MYCBP2: variants seen among roughly 807,000 people sequenced by gnomAD.
MYCBP2 encodes the protein E3 ubiquitin-protein ligase MYCBP2.
MYCBP2 carries 120 observed loss-of-function variants against 525.3 expected under a neutral mutation model. That is an observed-to-expected ratio of 0.23 (90% CI 0.20 to 0.27). The LOEUF (loss-of-function observed/expected upper bound fraction) is 0.27, where lower values mean the gene tolerates loss of function less well. Ranked by LOEUF, MYCBP2 falls within the 10% of genes least tolerant of loss-of-function variation. The pLI, the probability that MYCBP2 is intolerant of heterozygous loss-of-function variation, is 1.00. For synonymous variants in MYCBP2, 1,894 were observed against 1,955.8 expected (o/e 0.97, Z 0.83); for missense variants, 4,149 against 5,657.1 (o/e 0.73, Z 8.55).
At chr13:77,172,676 T>C (rs965919948) in intron 37 of MYCBP2, among the ~76,000 whole-genome samples, 1 of 152,092 alleles carries the variant, frequency 6.6e-6, no homozygotes, top group Admixed American at 6.5e-5. Flanking sequence ...ATGAACTAGG[T>C]GTAAAGTATG....
chr13:77,144,282 C>A (rs1344186715), intron 49 of MYCBP2, 163 bp downstream of exon 49: 2 of 600,870 alleles, frequency 3.3e-6, no homozygotes, highest in Non-Finnish European at 5.9e-6. Flanking sequence ...AATGTTAATG[C>A]ACTAATTAAA....
rs1040336793 is a variant in MYCBP2 at position 77,316,682 on chromosome 13, T to C, written c.302+9792A>G. Among the ~76,000 whole-genome samples the C allele has an allele frequency of 6.6e-5, 10 of 152,248 alleles. 1 individual carries two copies. Among genetic ancestry groups the C allele is most frequent in the South Asian group, 2.1e-4 (1 of 4,822 alleles). ...GCCCCAGCCACTACAGACGGTAAAATTGATATCAACAACTCTTCTCTACTA... is the reference window on the plus strand; with the variant it reads ...GCCCCAGCCACTACAGACGGTAAAACTGATATCAACAACTCTTCTCTACTA... On this transcript the variant is annotated intron_variant, in intron 1 of 82. Coordinates refer to ENST00000544440, the MANE Select transcript of MYCBP2 (RefSeq NM_015057.5).
At chr13:77,185,033 A>C in intron 32 of MYCBP2, 70 bp downstream of exon 32, 3 of 1,367,910 alleles carry the variant, frequency 2.2e-6, no homozygotes, top group Non-Finnish European at 3.0e-6. Context: ...TGGCAACTGC[A>C]ATTTATTTTC....
intron 59 of MYCBP2, among the ~76,000 whole-genome samples, chr13:77,092,266 G>A (rs1594452949): frequency 6.6e-6 from 1 of 152,056 alleles, no homozygotes; most frequent in Admixed American, 6.6e-5. Context: ...AGTTATTCGT[G>A]ACTGAAATCT....
intron 3 of MYCBP2, among the ~76,000 whole-genome samples, chr13:77,282,385 G>C (rs995899956): frequency 9.9e-5 from 15 of 151,390 alleles, no homozygotes; most frequent in Non-Finnish European, 5.9e-5. Context: ...ACTTCAGCCT[G>C]GGCAAGCAGA....
chr13:77,078,703 T>C (rs2042769983), intron 66 of MYCBP2, 121 bp downstream of exon 66: 1 of 759,144 alleles, frequency 1.3e-6, no homozygotes, highest in Non-Finnish European at 2.3e-6. Context: ...TAGTGTTCTG[T>C]AAATAGATAA....
At chr13:77,170,102 T>G (rs553414512) in intron 38 of MYCBP2, among the ~76,000 whole-genome samples, 5 of 152,294 alleles carry the variant, frequency 3.3e-5, no homozygotes, top group African/African-American at 9.6e-5. Context: ...ATCAGTGACA[T>G]TAGGCAAATT....
chr13:77,055,069 A>C (rs561049424), intron 80 of MYCBP2, among the ~76,000 whole-genome samples: 1 of 152,200 alleles, frequency 6.6e-6, no homozygotes, highest in African/African-American at 2.4e-5. Context: ...ACCCAAGGTA[A>C]GGAAGTATTT....
At chr13:77,227,515 C>CACAT (rs1555421198) in intron 18 of MYCBP2, among the ~76,000 whole-genome samples, 1 of 126,116 alleles carries the variant, frequency 7.9e-6, no homozygotes, top group Non-Finnish European at 1.8e-5. Context: ...CACACACACA[C>CACAT]ACAAATACAT....
At chr13:77,294,104 C>CTATATATATATACATATATA (rs2077779847) in intron 2 of MYCBP2, among the ~76,000 whole-genome samples, 1 of 41,920 alleles carries the variant, frequency 2.4e-5, no homozygotes, top group African/African-American at 6.9e-5. Flanking sequence ...GATATAATGG[C>CTATATATATATACATATATA]TATATATATA....
At chr13:77,191,386 T>A (rs2061280415) in intron 28 of MYCBP2, among the ~76,000 whole-genome samples, 1 of 152,186 alleles carries the variant, frequency 6.6e-6, no homozygotes, top group African/African-American at 2.4e-5. Flanking sequence ...ATTTTCCTTG[T>A]CACCTTCCTC....
intron 43 of MYCBP2, among the ~76,000 whole-genome samples, chr13:77,164,001 T>A (rs540400536): frequency 6.6e-6 from 1 of 152,356 alleles, no homozygotes; most frequent in South Asian, 2.1e-4. Flanking sequence ...CTCTTTCTTA[T>A]CTACTTGCTG....
chr13:77,141,555 G>A (rs1000187724), intron 49 of MYCBP2, among the ~76,000 whole-genome samples: 1 of 152,124 alleles, frequency 6.6e-6, no homozygotes, highest in African/African-American at 2.4e-5. Flanking sequence ...CGGATCACCT[G>A]AGGTCGGGAG....
At chr13:77,200,316 G>A (rs138354076) in intron 26 of MYCBP2, among the ~76,000 whole-genome samples, 4,258 of 152,160 alleles carry the variant, frequency 0.028, 86 homozygotes, top group East Asian at 0.052. Context: ...AATAAATGAA[G>A]TGAAGCGAGA....
chr13:77,230,248 C>CT (rs2066944551), intron 18 of MYCBP2, among the ~76,000 whole-genome samples: 1 of 152,088 alleles, frequency 6.6e-6, no homozygotes, highest in Non-Finnish European at 1.5e-5. Context: ...TCCTTACACC[C>CT]TCACAAAAAA....
intron 15 of MYCBP2, among the ~76,000 whole-genome samples, chr13:77,245,754 CACACACA>C (rs2069783234): frequency 6.8e-6 from 1 of 146,778 alleles, no homozygotes; most frequent in African/African-American, 2.5e-5. Flanking sequence ...AACACACACA[CACACACA>C]CACACACACA....
At chr13:77,057,479 C>A (rs1265161304) in intron 78 of MYCBP2, among the ~76,000 whole-genome samples, 1 of 152,006 alleles carries the variant, frequency 6.6e-6, no homozygotes, top group Non-Finnish European at 1.5e-5. Flanking sequence ...AAAATATAAG[C>A]AATGGGCAAA....
intron 2 of MYCBP2, among the ~76,000 whole-genome samples, chr13:77,296,189 G>A (rs1403049915): frequency 6.6e-6 from 1 of 152,188 alleles, no homozygotes; most frequent in Non-Finnish European, 1.5e-5. Flanking sequence ...GGAGGCCGAG[G>A]TGAGAGGATT....
chr13:77,052,000 A>G lies in MYCBP2; in HGVS notation c.13648-82T>C, dbSNP rs374919204. 21 of 1,044,546 alleles carry G rather than the reference A, an allele frequency of 2.0e-5. No individual in the cohort carries two copies. The African/African-American group carries it at 2.5e-4, about 13-fold the overall frequency. 64.7% of individuals were successfully genotyped at this position (1,044,546 alleles called of 1,614,324 possible). On this transcript the variant is annotated intron_variant, in intron 80 of 82. Transcript: ENST00000544440. Reference sequence around the variant, plus strand: ...GATACAGTATGGGCATAGTGAAAGTAAGATCTAGGGGTTTTAGAAAATACC... The same window carrying G: ...GATACAGTATGGGCATAGTGAAAGTGAGATCTAGGGGTTTTAGAAAATACC...
Sources: gnomAD v4.1 joint callset for allele counts (sites outside exome capture counted in the v4.1 genomes callset) on GRCh38, gnomAD v4.1.1 for gene constraint, MANE v1.5 for transcripts, NCBI Gene and HGNC (gene_info 2026-07-23, HGNC 2026-07-21) for gene names.